The following DZIP3 variants were observed in gnomAD, a reference collection of about 807,000 sequenced individuals.
The protein encoded by DZIP3 is DAZ interacting zinc finger protein 3.
A neutral mutation model predicts 162.0 loss-of-function variants in DZIP3; 118 were observed. That is an observed-to-expected ratio of 0.73 (90% confidence interval 0.63 to 0.85). The LOEUF (loss-of-function observed/expected upper bound fraction) is 0.85. Ranked by LOEUF, DZIP3 falls within the 40% of genes least tolerant of loss-of-function variation. The pLI is 0.00. For missense variants in DZIP3, 1,331 were observed against 1,407.0 expected, an observed-to-expected ratio of 0.95 and a Z score of 0.86; for synonymous variants, 438 against 458.6, an observed-to-expected ratio of 0.96 and a Z score of 0.57.
At chr3:108,682,615 A>C (rs1405722064) in intron 26 of DZIP3, among the ~76,000 whole-genome samples, 1 of 150,762 alleles carries the variant, frequency 6.6e-6, no homozygotes, top group Non-Finnish European at 1.5e-5. Context: ...ACTAGGGAGG[A>C]TAGATGGAAG....
At position 108,688,099 on chromosome 3, in the gene DZIP3, A is replaced by G; in HGVS notation, c.3270+3A>G. On this transcript the variant is annotated splice_donor_region_variant and intron_variant, in intron 29 of 32. Coordinates refer to ENST00000361582, the MANE Select transcript of DZIP3 (RefSeq NM_014648.4). ...TTATTGACCCCAAAAAGTCTCAGGTAAAATGCAAAAACAACCAAAAAACCT... is the reference window on the plus strand; with the variant it reads ...TTATTGACCCCAAAAAGTCTCAGGTGAAATGCAAAAACAACCAAAAAACCT... 6.2e-7 allele frequency: 1 copy of G among 1,612,886 alleles called. No individual in the cohort carries two copies. The highest frequency in any genetic ancestry group is 2.2e-5 in the East Asian group (1 of 44,744).
At chr3:108,632,703 C>G (rs1043897922) in intron 8 of DZIP3, among the ~76,000 whole-genome samples, 4 of 152,184 alleles carry the variant, frequency 2.6e-5, no homozygotes, top group Admixed American at 1.3e-4. Context: ...CAAACATACA[C>G]TTCTCTCCAT....
intron 1 of DZIP3, among the ~76,000 whole-genome samples, chr3:108,600,691 A>G (rs1161620044): frequency 2.6e-5 from 4 of 152,174 alleles, no homozygotes; most frequent in Non-Finnish European, 5.9e-5. Context: ...GATTATGAAA[A>G]TGGTGATGAT....
At chr3:108,635,313 G>T in intron 10 of DZIP3, 1 of 249,706 alleles carries the variant, frequency 4.0e-6, no homozygotes, top group Non-Finnish European at 7.9e-6. Flanking sequence ...ATGCACATAG[G>T]ATCATAGAAT....
intron 22 of DZIP3, among the ~76,000 whole-genome samples, chr3:108,671,671 G>A (rs1312550328): frequency 2.0e-5 from 3 of 151,876 alleles, no homozygotes; most frequent in Non-Finnish European, 2.9e-5. Context: ...AACCTATGTG[G>A]TTGCTATCAT....
At chr3:108,645,825 T>C (rs191947790) in intron 14 of DZIP3, among the ~76,000 whole-genome samples, 32 of 152,296 alleles carry the variant, frequency 2.1e-4, no homozygotes, top group Middle Eastern at 3.4e-3. Context: ...GGACACTGAG[T>C]TTGATATATA....
At chr3:108,690,313 G>A (rs1023798435) in intron 31 of DZIP3, among the ~76,000 whole-genome samples, 1 of 152,116 alleles carries the variant, frequency 6.6e-6, no homozygotes, top group Admixed American at 6.6e-5. Context: ...GTTCATAGCC[G>A]AAAATTACTG....
chr3:108,598,616 G>C (rs957135150), intron 1 of DZIP3, among the ~76,000 whole-genome samples: 1 of 152,204 alleles, frequency 6.6e-6, no homozygotes, highest in Non-Finnish European at 1.5e-5. Flanking sequence ...GATAGGGCAA[G>C]CTTTCATTGG....
At chr3:108,627,150 CT>C (rs1403081839) in intron 7 of DZIP3, among the ~76,000 whole-genome samples, 1 of 152,218 alleles carries the variant, frequency 6.6e-6, no homozygotes, top group East Asian at 1.9e-4. Flanking sequence ...TCAGTCTATA[CT>C]GTGACAAAGT....
chr3:108,671,726 A>G (rs192502013), intron 22 of DZIP3, among the ~76,000 whole-genome samples: 108 of 148,844 alleles, frequency 7.3e-4, no homozygotes, highest in African/African-American at 2.5e-3. Context: ...GAACTTATTA[A>G]TCATGATACT....
At chr3:108,688,380 G>T (rs1210741755) in intron 29 of DZIP3, among the ~76,000 whole-genome samples, 1 of 152,112 alleles carries the variant, frequency 6.6e-6, no homozygotes, top group Admixed American at 6.6e-5. Context: ...TTTCTTGAAA[G>T]ATTTATTTTA....
At chr3:108,667,171 A>G (rs1460170581) in intron 21 of DZIP3, among the ~76,000 whole-genome samples, 2 of 152,058 alleles carry the variant, frequency 1.3e-5, no homozygotes, top group African/African-American at 4.8e-5. Context: ...AAAGAAACTG[A>G]GAAAGAATGA....
At chr3:108,602,899 T>G (rs1221776369) in intron 1 of DZIP3, 3 of 152,214 alleles carry the variant, frequency 2.0e-5, no homozygotes, top group African/African-American at 7.2e-5. Context: ...TCACAGAGAT[T>G]CATCTCAGGT....
chr3:108,668,957 G>A (rs1943805087), intron 21 of DZIP3, among the ~76,000 whole-genome samples: 2 of 151,960 alleles, frequency 1.3e-5, no homozygotes, highest in Admixed American at 1.3e-4. Flanking sequence ...CTAGGTTTAT[G>A]TAAAAGCTTG....
At chr3:108,683,558 C>T (rs1222175592) in intron 26 of DZIP3, among the ~76,000 whole-genome samples, 2 of 152,152 alleles carry the variant, frequency 1.3e-5, no homozygotes, top group Non-Finnish European at 2.9e-5. Flanking sequence ...CTCCAGCCAG[C>T]AAGGTATCTT....
intron 19 of DZIP3, among the ~76,000 whole-genome samples, chr3:108,659,047 G>A (rs936342099): frequency 8.9e-4 from 136 of 152,094 alleles, no homozygotes; most frequent in African/African-American, 2.9e-3. Flanking sequence ...ATTCACAGCC[G>A]AATTCTACCA....
intron 20 of DZIP3, 39 bp from the exon 21 acceptor site, chr3:108,662,091 T>C (rs1943464647): frequency 6.4e-7 from 1 of 1,566,192 alleles, no homozygotes; most frequent in Non-Finnish European, 8.6e-7. Context: ...TCTGGTGACT[T>C]GAACATAATT....
chr3:108,677,515 A>AT lies in DZIP3; in HGVS notation c.2801dup (p.Asn935LysfsTer25). On this transcript the variant is annotated frameshift_variant, in exon 26 of 33. Coordinates refer to ENST00000361582, the MANE Select transcript of DZIP3 (RefSeq NM_014648.4). LOFTEE classifies it high-confidence loss of function. ...CTACCAGACACAGTACAATGAACAA[A>AT]TAAACAAAGTCAAGCAAGGATTTGC... The AT allele has an allele frequency of 1.2e-6, 2 of 1,612,618 alleles. No individual in the cohort carries two copies. Among genetic ancestry groups the AT allele is most frequent in the Non-Finnish European group, 1.7e-6 (2 of 1,178,944 alleles).
rs760319465 is a variant in DZIP3 at position 108,634,903 on chromosome 3, C to T, written c.849C>T (p.Cys283=). 6.8e-6 allele frequency: 11 copies of T among 1,608,104 alleles called. No homozygotes were observed. The highest frequency in any genetic ancestry group is 9.3e-6 in the Non-Finnish European group (11 of 1,177,132). Residue 283 remains cysteine (C), a synonymous_variant, in exon 10 of 33, where the codon TGC becomes TGT. Transcript: ENST00000361582. The part of the protein sequence containing the change: ...GFFQLMCSKS[C]CVYFHKICWK... Reference sequence around the variant, plus strand: ...TTCAGTTAATGTGCAGTAAAAGTTGCTGTGTTTATTTCCATAAAATTTGCT... The same window carrying T: ...TTCAGTTAATGTGCAGTAAAAGTTGTTGTGTTTATTTCCATAAAATTTGCT...
Sources: allele counts gnomAD v4.1 joint callset (sites outside exome capture counted in the v4.1 genomes callset), GRCh38; gene constraint gnomAD v4.1.1; transcripts MANE v1.5; gene names NCBI Gene and HGNC (gene_info 2026-07-23, HGNC 2026-07-21).